WDR27: variants seen among roughly 807,000 people sequenced by gnomAD.
The protein encoded by WDR27 is WD repeat-containing protein 27.
WDR27 carries 100 observed loss-of-function variants against 114.4 expected under a neutral mutation model. The ratio of observed to expected loss-of-function variants is 0.87; its 90% CI spans 0.74 to 1.03. The LOEUF (loss-of-function observed/expected upper bound fraction) is 1.03. Among genes scored for constraint, WDR27 ranks in the 50% least tolerant of loss-of-function variants. The probability of loss-of-function intolerance (pLI) is 0.00; values close to 1 mark genes in which losing one functional copy is unlikely to be tolerated. For synonymous variants in WDR27, 449 were observed against 423.1 expected (o/e 1.06, Z -0.75); for missense variants, 1,129 against 1,092.9 (o/e 1.03, Z -0.47).
At chr6:169,635,565 T>TTGAGATCGGGG (rs1817478040) in intron 19 of WDR27, among the ~76,000 whole-genome samples, 1 of 152,178 alleles carries the variant, frequency 6.6e-6, no homozygotes, top group Non-Finnish European at 1.5e-5. Context: ...GATGCTCTCA[T>TTGAGATCGGGG]TGAGATCGGG....
At chr6:169,493,568 G>A (rs536236062) in intron 25 of WDR27, among the ~76,000 whole-genome samples, 2 of 152,012 alleles carry the variant, frequency 1.3e-5, no homozygotes, top group Admixed American at 6.6e-5. Flanking sequence ...TTCCACTAAT[G>A]TAACCACCAG....
the WDR27 span, among the ~76,000 whole-genome samples, chr6:169,428,991 G>T: frequency 0.02 from 3,071 of 152,208 alleles, 64 homozygotes; most frequent in East Asian, 0.07. Flanking sequence ...AGACACAGGC[G>T]TCCCAGACAA....
intron 25 of WDR27, among the ~76,000 whole-genome samples, chr6:169,490,126 C>T (rs748769156): frequency 6.6e-5 from 10 of 152,176 alleles, no homozygotes; most frequent in Non-Finnish European, 1.0e-4. Context: ...AAAGGGTCCA[C>T]GGCATATTTC....
rs768899832 is a variant in WDR27 at position 169,613,592 on chromosome 6, T to C, written c.2288A>G (p.Asp763Gly). 1.9e-6 allele frequency: 3 copies of C among 1,613,694 alleles called. No homozygotes were observed. Among genetic ancestry groups the C allele is most frequent in the Middle Eastern group, 3.3e-4 (2 of 6,082 alleles). Residue 763 changes from aspartate (D) to glycine (G), a missense_variant, in exon 22 of 26, where the codon GAT becomes GGT. Transcript: ENST00000448612. Reference sequence around the variant, plus strand: ...TCTCAGGTCCCACAGTCTCATCCCATCGCCAATGGCCGTGGTCAGGAAAAG... The same window carrying C: ...TCTCAGGTCCCACAGTCTCATCCCACCGCCAATGGCCGTGGTCAGGAAAAG... ...YNLFLTTAIGDGMRLWDLRTL... is the reference protein window; with the variant it reads ...YNLFLTTAIGGGMRLWDLRTL...
chr6:169,620,671 AGCGGTGCCCC>A (rs1270653502), intron 21 of WDR27, among the ~76,000 whole-genome samples: 1 of 152,190 alleles, frequency 6.6e-6, no homozygotes, highest in Non-Finnish European at 1.5e-5. Context: ...TATAAAACCA[AGCGGTGCCCC>A]GACCACCATC....
the WDR27 span, among the ~76,000 whole-genome samples, chr6:169,430,945 ATAAAC>A: frequency 1.3e-5 from 2 of 152,164 alleles, no homozygotes; most frequent in Non-Finnish European, 2.9e-5. Context: ...TCCTGCCCAT[ATAAAC>A]TATAGTCAAG....
chr6:169,439,584 A>C, the WDR27 span, among the ~76,000 whole-genome samples: 1 of 152,190 alleles, frequency 6.6e-6, no homozygotes, highest in Admixed American at 6.5e-5. Context: ...TAATTGCCTG[A>C]GATTGAATAA....
In WDR27 at chr6:169,662,432, C is replaced by T; in HGVS notation, c.905-8G>A. 6.2e-7 allele frequency: 1 copy of T among 1,613,702 alleles called. No homozygotes were observed. Among genetic ancestry groups the T allele is most frequent in the Non-Finnish European group, 8.5e-7 (1 of 1,179,694 alleles). On this transcript the variant is annotated splice_polypyrimidine_tract_variant and splice_region_variant and intron_variant, in intron 8 of 25. Transcript: ENST00000448612. ...AGGGAAGCTGGCTTTCTTCTAGGGA[C>T]AGAATTATTGAGAATCTAAGAAGTG... is the stretch of plus-strand genomic sequence containing the variant.
intron 25 of WDR27, among the ~76,000 whole-genome samples, chr6:169,506,789 A>T (rs1792049505): frequency 6.6e-6 from 1 of 152,260 alleles, no homozygotes. Context: ...CTTGGGACAC[A>T]TCAACAGAGA....
chr6:169,664,317 G>A (rs200279394), intron 7 of WDR27, 31 bp from the exon 8 acceptor site: 104 of 1,613,160 alleles, frequency 6.4e-5, no homozygotes, highest in Middle Eastern at 5.0e-4. Context: ...CAGACATGGC[G>A]CTGCAGCAAG....
chr6:169,498,653 C>T (rs1236163596), intron 25 of WDR27, among the ~76,000 whole-genome samples: 6 of 152,116 alleles, frequency 3.9e-5, no homozygotes, highest in Admixed American at 3.3e-4. Context: ...TCAGCAGAAC[C>T]AGGAGCACAT....
chr6:169,689,836 C>T (rs1182886009), intron 1 of WDR27, among the ~76,000 whole-genome samples: 2 of 152,244 alleles, frequency 1.3e-5, no homozygotes, highest in African/African-American at 2.4e-5. Context: ...GGGTCATGCA[C>T]GCTGTAGGTA....
At chr6:169,515,530 A>C (rs1054777563) in intron 25 of WDR27, among the ~76,000 whole-genome samples, 1 of 152,150 alleles carries the variant, frequency 6.6e-6, no homozygotes, top group Non-Finnish European at 1.5e-5. Context: ...TTAGATGTCA[A>C]AGTTACCATT....
chr6:169,452,945 C>T (rs1784214858), downstream of WDR27, among the ~76,000 whole-genome samples: 2 of 152,208 alleles, frequency 1.3e-5, no homozygotes, highest in Non-Finnish European at 2.9e-5. Flanking sequence ...GCAGCTGTGA[C>T]CTCAGCTGCC....
At chr6:169,571,268 AAAT>A (rs1365218495) in intron 25 of WDR27, among the ~76,000 whole-genome samples, 2 of 143,388 alleles carry the variant, frequency 1.4e-5, no homozygotes, top group African/African-American at 2.7e-5. Flanking sequence ...ATTAAAAAAA[AAAT>A]AAATAAAAAG....
chr6:169,680,052 TATAA>T (rs1445610334), intron 2 of WDR27, among the ~76,000 whole-genome samples: 4 of 152,204 alleles, frequency 2.6e-5, no homozygotes, highest in African/African-American at 7.2e-5. Context: ...CTCTACTCAA[TATAA>T]ATGCCTTTCA....
chr6:169,448,399 T>TGTGTGTGG, the WDR27 span, among the ~76,000 whole-genome samples: 2 of 150,498 alleles, frequency 1.3e-5, no homozygotes, highest in South Asian at 4.2e-4. Context: ...TCTATGTGTG[T>TGTGTGTGG]GTGTGTGTGT....
At position 169,633,070 on chromosome 6, in the gene WDR27, T is replaced by C; in HGVS notation, c.2102-2A>G. 1 of 1,576,782 alleles carries C rather than the reference T, an allele frequency of 6.3e-7. No homozygotes were observed. The highest frequency in any genetic ancestry group is 8.7e-7 in the Non-Finnish European group (1 of 1,151,206). ...TCCGGCCAGCTGCGAGTACGATGTC[T>C]GCGATAATCCAGTTAGGGAGCTCTT... On this transcript the variant is annotated splice_acceptor_variant, in intron 20 of 25. Transcript: ENST00000448612. LOFTEE classifies it high-confidence loss of function.
rs145329610 is a variant in WDR27 at position 169,684,582 on chromosome 6, CA to C, written c.189+4234del. On this transcript the variant is annotated intron_variant, in intron 2 of 25. Coordinates refer to ENST00000448612, the MANE Select transcript of WDR27 (RefSeq NM_182552.5). This position sits in a 1 kb window ranked among gnomAD's most constrained non-coding sequence, Gnocchi z 4.3. ...TGGGCCTATAGTAGCCCTGTGCCCA[CA>C]CCCAGGAGACATACCCCCAGGTCAG... Among the ~76,000 whole-genome samples the C allele has an allele frequency of 0.013, 1,987 of 152,300 alleles. 28 individuals carry two copies. Among genetic ancestry groups the C allele is most frequent in the Middle Eastern group, 0.054 (16 of 294 alleles).
Sources: allele counts gnomAD v4.1 joint callset (sites outside exome capture counted in the v4.1 genomes callset), GRCh38; gene constraint gnomAD v4.1.1; non-coding constraint Gnocchi (gnomAD v3.1); transcripts MANE v1.5; gene names NCBI Gene and HGNC (gene_info 2026-07-23, HGNC 2026-07-21).